PAPOLG: variants seen among roughly 807,000 people sequenced by gnomAD.
PAPOLG encodes the protein PAP-gamma.
A neutral mutation model predicts 99.0 loss-of-function variants in PAPOLG; 40 were observed. That is an observed-to-expected ratio of 0.40 (90% CI 0.31 to 0.53). The LOEUF (loss-of-function observed/expected upper bound fraction) is 0.53. Among genes scored for constraint, PAPOLG ranks in the 20% least tolerant of loss-of-function variants. PAPOLG has a pLI of 0.41. For synonymous variants in PAPOLG, 310 were observed against 299.3 expected (o/e 1.04, Z -0.37); for missense variants, 675 against 884.1 (o/e 0.76, Z 3.00).
chr2:60,768,622 A>C (rs1335967536), intron 4 of PAPOLG, 71 bp downstream of exon 4: 1 of 1,404,348 alleles, frequency 7.1e-7, no homozygotes, highest in African/African-American at 1.4e-5. Flanking sequence ...AAAATGTAGG[A>C]GAACAAAGTT....
At chr2:60,782,305 G>A (rs1349588603) in intron 11 of PAPOLG, among the ~76,000 whole-genome samples, 1 of 152,080 alleles carries the variant, frequency 6.6e-6, no homozygotes, top group Non-Finnish European at 1.5e-5. Flanking sequence ...GATGGCTCAT[G>A]CCTATAATCC....
chr2:60,757,972 T>TA (rs1271474728), intron 1 of PAPOLG, among the ~76,000 whole-genome samples: 1 of 152,176 alleles, frequency 6.6e-6, no homozygotes, highest in Non-Finnish European at 1.5e-5. Context: ...CTGAAGTAGT[T>TA]AGAGAGGAGA....
chr2:60,773,466 C>T (rs145974945), intron 7 of PAPOLG, among the ~76,000 whole-genome samples: 28 of 152,100 alleles, frequency 1.8e-4, no homozygotes, highest in African/African-American at 6.5e-4. Flanking sequence ...GTATTTGTTC[C>T]GTTTTGTTGC....
rs1304641806 is a variant in PAPOLG at position 60,798,784 on chromosome 2, C to A, written c.*1624C>A. 6.6e-6 allele frequency: 1 copy of A among 152,312 alleles called. No homozygotes were observed. The highest frequency in any genetic ancestry group is 1.5e-5 in the Non-Finnish European group (1 of 68,044). 9.4% of individuals were successfully genotyped at this position (152,312 alleles called of 1,614,324 possible). On this transcript the variant is annotated 3_prime_UTR_variant, in exon 22 of 22. Transcript: ENST00000238714. ...GCCAGAGAGCCGTATCCTCCAGGTCCCACTCCTGTTCATTGCCCCTTAGGT... is the reference window on the plus strand; with the variant it reads ...GCCAGAGAGCCGTATCCTCCAGGTCACACTCCTGTTCATTGCCCCTTAGGT...
rs1671609193 is a variant in PAPOLG at position 60,793,643 on chromosome 2, G to A, written c.1696G>A (p.Ala566Thr). 1 of 1,613,730 alleles carries A rather than the reference G, an allele frequency of 6.2e-7. No homozygotes were observed. Among genetic ancestry groups the A allele is most frequent in the African/African-American group, 1.3e-5 (1 of 74,908 alleles). Residue 566 changes from alanine to threonine, a missense_variant, in exon 18 of 22, where the codon GCT becomes ACT. Coordinates refer to ENST00000238714, the MANE Select transcript of PAPOLG (RefSeq NM_022894.4). The stretch of plus-strand genomic sequence containing the variant: ...TTTCATTAGGAATAGTGCTGAGCCT[G>A]CTGCTGTAATTGTGGAGAAGCCACT... ...GETERNSAEP[A>T]AVIVEKPLSV...
intron 13 of PAPOLG, among the ~76,000 whole-genome samples, chr2:60,785,437 C>A: frequency 6.6e-6 from 1 of 151,924 alleles, no homozygotes; most frequent in East Asian, 1.9e-4. Context: ...GTGCCCAGCC[C>A]GTGAATTTTT....
chr2:60,771,992 C>T (rs1288619562), intron 7 of PAPOLG, among the ~76,000 whole-genome samples: 1 of 151,190 alleles, frequency 6.6e-6, no homozygotes, highest in African/African-American at 2.4e-5. Context: ...AAATAATGAA[C>T]CCATTTTAAA....
intron 8 of PAPOLG, among the ~76,000 whole-genome samples, chr2:60,778,749 TTAAGA>T (rs1371935201): frequency 2.6e-5 from 4 of 152,194 alleles, no homozygotes; most frequent in South Asian, 2.1e-4. Context: ...TCTTGTATAC[TTAAGA>T]TAAAGTAAAA....
At chr2:60,794,539 A>G in intron 19 of PAPOLG, 171 bp from the exon 20 acceptor site, 1 of 636,756 alleles carries the variant, frequency 1.6e-6, no homozygotes, top group Non-Finnish European at 2.7e-6. Flanking sequence ...AACTGTAGAA[A>G]TTAACGGTGG....
At chr2:60,758,951 A>G (rs1247728956) in intron 1 of PAPOLG, among the ~76,000 whole-genome samples, 1 of 152,212 alleles carries the variant, frequency 6.6e-6, no homozygotes. Context: ...GTGAAGATAA[A>G]TGGTAGTGTT....
chr2:60,759,493 G>C (rs2103753203), intron 1 of PAPOLG, among the ~76,000 whole-genome samples: 1 of 152,284 alleles, frequency 6.6e-6, no homozygotes, highest in South Asian at 2.1e-4. Flanking sequence ...GTAGTATAAA[G>C]AATTTTATTT....
intron 3 of PAPOLG, among the ~76,000 whole-genome samples, chr2:60,763,751 G>C (rs565484010): frequency 6.9e-6 from 1 of 145,878 alleles, no homozygotes; most frequent in Non-Finnish European, 1.5e-5. Flanking sequence ...TGATCTACCC[G>C]CCTCAGCCTC....
At chr2:60,796,221 T>C (rs1477194088) in intron 21 of PAPOLG, among the ~76,000 whole-genome samples, 1 of 110,758 alleles carries the variant, frequency 9.0e-6, no homozygotes, top group East Asian at 2.0e-4. Flanking sequence ...TTTTTTTTTT[T>C]TTTTTTTTTT....
chr2:60,756,408 G>A lies in PAPOLG; in HGVS notation c.-71G>A. The A allele has an allele frequency of 6.2e-7, 1 of 1,604,264 alleles. No homozygotes were observed. Among genetic ancestry groups the A allele is most frequent in the Non-Finnish European group, 8.5e-7 (1 of 1,171,258 alleles). ...TAGCGACCGGAGGAAAGTGAACAGG[G>A]GGAGAAGGGAACAGCAAGAACAGGA... is the stretch of plus-strand genomic sequence containing the variant. On this transcript the variant is annotated 5_prime_UTR_variant, in exon 1 of 22. Transcript: ENST00000238714.
At chr2:60,766,577 G>T (rs1487853070) in intron 3 of PAPOLG, among the ~76,000 whole-genome samples, 1 of 151,958 alleles carries the variant, frequency 6.6e-6, no homozygotes, top group South Asian at 2.1e-4. Flanking sequence ...AAGGCAGGGG[G>T]AATATTTTGT....
intron 15 of PAPOLG, among the ~76,000 whole-genome samples, chr2:60,788,493 T>C (rs1247983322): frequency 6.6e-6 from 1 of 152,130 alleles, no homozygotes; most frequent in Non-Finnish European, 1.5e-5. Context: ...GGCTAATTTT[T>C]TTATTTTTAG....
chr2:60,764,721 C>T (rs11887292), intron 3 of PAPOLG, among the ~76,000 whole-genome samples: 33,885 of 152,136 alleles, frequency 0.22, 4,217 homozygotes, highest in African/African-American at 0.31. Context: ...CCACCACACC[C>T]GGTCTAGAAT....
chr2:60,783,458 C>G (rs1671258393), intron 13 of PAPOLG, among the ~76,000 whole-genome samples: 1 of 145,346 alleles, frequency 6.9e-6, no homozygotes, highest in African/African-American at 2.5e-5. Flanking sequence ...ACCTCAGCCT[C>G]CCAAAGTGCT....
At chr2:60,791,667 G>C in intron 15 of PAPOLG, 94 bp from the exon 16 acceptor site, 1 of 1,459,652 alleles carries the variant, frequency 6.9e-7, no homozygotes, top group Non-Finnish European at 9.2e-7. Context: ...GGTGATAGTG[G>C]GGAGATAGTA....
Sources: allele counts gnomAD v4.1 joint callset (sites outside exome capture counted in the v4.1 genomes callset), GRCh38; gene constraint gnomAD v4.1.1; transcripts MANE v1.5; gene names NCBI Gene and HGNC (gene_info 2026-07-23, HGNC 2026-07-21).